CCDC178: variants seen among roughly 807,000 people sequenced by gnomAD.
CCDC178 encodes the protein coiled-coil domain containing 178.
In CCDC178, 126 loss-of-function variants were observed where a neutral mutation model predicts 117.4. The observed-to-expected ratio is 1.07, with a 90% CI of 0.93 to 1.24. The LOEUF (loss-of-function observed/expected upper bound fraction) is 1.24, where lower values mean the gene tolerates loss of function less well. CCDC178 is among the 50% of genes most tolerant of loss of function. CCDC178 has a pLI of 0.00. For synonymous variants in CCDC178, 283 were observed against 313.4 expected, an observed-to-expected ratio of 0.90 and a Z score of 1.02; for missense variants, 1,030 against 986.9, an observed-to-expected ratio of 1.04 and a Z score of -0.59.
At chr18:33,104,792 T>A (rs570263055) in intron 20 of CCDC178, among the ~76,000 whole-genome samples, 1 of 151,734 alleles carries the variant, frequency 6.6e-6, no homozygotes, top group Non-Finnish European at 1.5e-5. Context: ...TGGGTAGTTA[T>A]GGTAACAAAT....
intron 21 of CCDC178, among the ~76,000 whole-genome samples, chr18:32,980,434 A>G (rs1222004482): frequency 1.3e-5 from 2 of 151,676 alleles, no homozygotes; most frequent in African/African-American, 4.8e-5. Flanking sequence ...AGCCGGGCGC[A>G]GTGGCGGGCG....
At chr18:33,050,355 T>C (rs1174724862) in intron 21 of CCDC178, among the ~76,000 whole-genome samples, 2 of 152,204 alleles carry the variant, frequency 1.3e-5, no homozygotes, top group African/African-American at 2.4e-5. Flanking sequence ...AAATCACAAA[T>C]AATTTTTCAT....
intron 2 of CCDC178, among the ~76,000 whole-genome samples, chr18:33,417,472 A>C (rs2063960306): frequency 6.6e-6 from 1 of 152,032 alleles, no homozygotes; most frequent in Non-Finnish European, 1.5e-5. Context: ...TGGTGGGGTA[A>C]GTCTCATGAT....
intron 20 of CCDC178, among the ~76,000 whole-genome samples, chr18:33,179,465 C>T (rs541214085): frequency 2.8e-4 from 43 of 151,712 alleles, no homozygotes; most frequent in Non-Finnish European, 5.0e-4. Flanking sequence ...CAAATTTTAT[C>T]TGTATATCAT....
At chr18:33,434,473 T>C (rs1003569806) in intron 2 of CCDC178, among the ~76,000 whole-genome samples, 17 of 152,236 alleles carry the variant, frequency 1.1e-4, no homozygotes, top group African/African-American at 4.1e-4. Context: ...TAATCTAAAT[T>C]AGCTTGGCTA....
intron 14 of CCDC178, among the ~76,000 whole-genome samples, chr18:33,254,821 G>A (rs1274848181): frequency 6.6e-6 from 1 of 152,036 alleles, no homozygotes; most frequent in African/African-American, 2.4e-5. Context: ...TATGAGTTCA[G>A]ATGCATAAGC....
rs145139591 is a variant in CCDC178 at position 33,180,043 on chromosome 18, T to C, written c.2238+31853A>G. ...TTGGAGGCTATTCAAATAGCTTTTA[T>C]GCAAAGCACTTAAGAATATGACTTG... is the stretch of plus-strand genomic sequence containing the variant. On this transcript the variant is annotated intron_variant, in intron 20 of 22. Transcript: ENST00000383096. Among the ~76,000 whole-genome samples, 1,437 of 152,106 alleles carry C rather than the reference T, an allele frequency of 9.4e-3. 27 individuals carry two copies. Among genetic ancestry groups the C allele is most frequent in the African/African-American group, 0.032 (1,344 of 41,550 alleles).
At chr18:33,270,977 G>A (rs2059881239) in intron 12 of CCDC178, among the ~76,000 whole-genome samples, 1 of 151,422 alleles carries the variant, frequency 6.6e-6, no homozygotes, top group South Asian at 2.1e-4. Flanking sequence ...AATAAAGGAA[G>A]AAAGAAAGCT....
chr18:33,410,458 T>C (rs900162830), intron 3 of CCDC178, among the ~76,000 whole-genome samples: 2 of 152,172 alleles, frequency 1.3e-5, no homozygotes, highest in East Asian at 3.8e-4. Flanking sequence ...ACATTTTTTT[T>C]CAATTAATGT....
intron 5 of CCDC178, among the ~76,000 whole-genome samples, chr18:33,379,161 TTCCATATATATAATATATATA>T (rs2063405030): frequency 7.0e-6 from 1 of 143,566 alleles, no homozygotes; most frequent in Non-Finnish European, 1.5e-5. Context: ...ATATATATAT[TTCCATATATATAATATATATA>T]TTTCCATATA....
intron 14 of CCDC178, among the ~76,000 whole-genome samples, chr18:33,264,239 A>C (rs2059786820): frequency 6.6e-6 from 1 of 152,108 alleles, no homozygotes; most frequent in Non-Finnish European, 1.5e-5. Flanking sequence ...GAAATAGATA[A>C]AATTATTTGC....
chr18:33,187,671 G>A (rs958186033), intron 20 of CCDC178, among the ~76,000 whole-genome samples: 1 of 152,136 alleles, frequency 6.6e-6, no homozygotes, highest in African/African-American at 2.4e-5. Context: ...GGTTTATGGT[G>A]AAATAAGGCT....
chr18:33,224,411 T>A (rs1218335027), intron 17 of CCDC178, among the ~76,000 whole-genome samples: 2 of 152,206 alleles, frequency 1.3e-5, no homozygotes, highest in African/African-American at 2.4e-5. Flanking sequence ...AAATTTACCA[T>A]GAAAATGTCA....
chr18:33,097,072 T>A (rs2057554194), intron 20 of CCDC178, among the ~76,000 whole-genome samples: 1 of 152,128 alleles, frequency 6.6e-6, no homozygotes, highest in Admixed American at 6.6e-5. Flanking sequence ...TATCCAAAGG[T>A]ACAGTCTATT....
intron 20 of CCDC178, among the ~76,000 whole-genome samples, chr18:33,146,033 T>G (rs1326677873): frequency 6.6e-6 from 1 of 152,182 alleles, no homozygotes; most frequent in Non-Finnish European, 1.5e-5. Context: ...TAAATTAAAA[T>G]ATATGGCATT....
At chr18:33,297,436 T>C (rs1352255377) in intron 11 of CCDC178, among the ~76,000 whole-genome samples, 1 of 151,460 alleles carries the variant, frequency 6.6e-6, no homozygotes, top group Admixed American at 6.6e-5. Flanking sequence ...TTAGGTAGAT[T>C]AACAAAGAAA....
intron 2 of CCDC178, among the ~76,000 whole-genome samples, chr18:33,415,807 G>A (rs1376294281): frequency 6.6e-6 from 1 of 152,094 alleles, no homozygotes; most frequent in Non-Finnish European, 1.5e-5. Context: ...ATTCCTTCCT[G>A]TAAGTACAAT....
chr18:33,314,493 G>A (rs935503991), intron 11 of CCDC178, among the ~76,000 whole-genome samples: 3 of 152,094 alleles, frequency 2.0e-5, no homozygotes, highest in Non-Finnish European at 4.4e-5. Flanking sequence ...AATGAGAATA[G>A]TTCCACAAAG....
At chr18:33,321,656 G>A (rs1006922433) in intron 11 of CCDC178, among the ~76,000 whole-genome samples, 5 of 151,626 alleles carry the variant, frequency 3.3e-5, no homozygotes, top group African/African-American at 1.2e-4. Context: ...GTAATTAATA[G>A]GATTTCCTAC....
Sources: gnomAD v4.1 joint callset for allele counts (sites outside exome capture counted in the v4.1 genomes callset) on GRCh38, gnomAD v4.1.1 for gene constraint, MANE v1.5 for transcripts, NCBI Gene and HGNC (gene_info 2026-07-23, HGNC 2026-07-21) for gene names.